Variants in FXR1 observed in about 807,000 individuals in gnomAD.
The protein encoded by FXR1 is FMR1 autosomal homolog 1, also known as RNA-binding protein FXR1.
A neutral mutation model predicts 84.0 loss-of-function variants in FXR1; 15 were observed. That is an observed-to-expected ratio of 0.18 (90% CI 0.12 to 0.27). The LOEUF is 0.27. Ranked by LOEUF, FXR1 falls within the 10% of genes least tolerant of loss-of-function variation. The pLI, the probability that FXR1 is intolerant of heterozygous loss-of-function variation, is 1.00. For synonymous variants in FXR1, 245 were observed against 250.7 expected, an observed-to-expected ratio of 0.98 and a Z score of 0.21; for missense variants, 480 against 774.4, an observed-to-expected ratio of 0.62 and a Z score of 4.51.
At chr3:180,951,254 T>C in intron 7 of FXR1, 44 bp from the exon 8 acceptor site, 1 of 1,259,492 alleles carries the variant, frequency 7.9e-7, no homozygotes. Flanking sequence ...AAAAGCCATT[T>C]TGTATTTTGA....
At position 180,979,834 on chromosome 3, in the gene FXR1, GTT is replaced by G. The variant is rs1183258124; in HGVS notation, c.*3544_*3545del. On this transcript the variant is annotated 3_prime_UTR_variant, in exon 17 of 17. Transcript: ENST00000357559. Reference sequence around the variant, plus strand: ...CAGTCTAATTACAAATTTTTAAAAAGTTTATCAGTGTATCATTTCAGATTCAT... The same window carrying G: ...CAGTCTAATTACAAATTTTTAAAAAGTATCAGTGTATCATTTCAGATTCAT... 1 of 151,984 alleles carries G rather than the reference GTT, an allele frequency of 6.6e-6. No homozygotes were observed. Among genetic ancestry groups the G allele is most frequent in the Non-Finnish European group, 1.5e-5 (1 of 67,928 alleles). The allele number at this position is 151,984 out of a possible 1,614,324, so 9.4% of individuals were successfully genotyped here. A position where few individuals can be genotyped will look rare whatever the true frequency, so the allele number is the denominator to read the frequency against.
intron 3 of FXR1, among the ~76,000 whole-genome samples, chr3:180,936,355 CT>C (rs199729598): frequency 0.01 from 1,525 of 152,336 alleles, 33 homozygotes; most frequent in African/African-American, 0.035. Context: ...CCAACCTCCT[CT>C]TCCCAGGTTC....
chr3:180,968,045 T>C lies in FXR1; in HGVS notation c.1199-6T>C. The C allele has an allele frequency of 6.3e-7, 1 of 1,589,306 alleles. No homozygotes were observed. The highest frequency in any genetic ancestry group is 8.6e-7 in the Non-Finnish European group (1 of 1,158,226). On this transcript the variant is annotated splice_polypyrimidine_tract_variant and splice_region_variant and intron_variant, in intron 13 of 16. Transcript: ENST00000357559. ...CTAAGTGGTTTATGTTCTTTTCTTT[T>C]CCAAGGTACAAATTCTGAGCTGTCT...
chr3:180,933,546 C>T (rs1720182595), intron 2 of FXR1, among the ~76,000 whole-genome samples, 160 bp downstream of exon 2: 2 of 152,086 alleles, frequency 1.3e-5, no homozygotes, highest in Admixed American at 6.6e-5. Flanking sequence ...AATTCTTTAT[C>T]TGTTTTTCTG....
At chr3:180,959,247 G>A (rs1192337126) in intron 10 of FXR1, among the ~76,000 whole-genome samples, 1 of 151,498 alleles carries the variant, frequency 6.6e-6, no homozygotes, top group Non-Finnish European at 1.5e-5. Flanking sequence ...ATTTTTTGTC[G>A]TGTTTCTTCC....
chr3:180,934,194 G>A (rs1041114130), intron 2 of FXR1, among the ~76,000 whole-genome samples: 2 of 152,194 alleles, frequency 1.3e-5, no homozygotes, highest in African/African-American at 4.8e-5. Context: ...TGCCTGAAAA[G>A]ATCTTTGCCT....
At chr3:180,954,793 G>A (rs1722576117) in intron 9 of FXR1, among the ~76,000 whole-genome samples, 1 of 148,714 alleles carries the variant, frequency 6.7e-6, no homozygotes, top group African/African-American at 2.5e-5. Context: ...AGGAAATGAT[G>A]TTTAGCTACG....
At chr3:180,947,475 A>G (rs1289765170) in intron 3 of FXR1, among the ~76,000 whole-genome samples, 2 of 152,246 alleles carry the variant, frequency 1.3e-5, no homozygotes, top group Non-Finnish European at 1.5e-5. Flanking sequence ...TAAATGTCAT[A>G]TCCTCGATGG....
At chr3:180,915,141 CAGA>C in intron 1 of FXR1, 2 of 201,864 alleles carry the variant, frequency 9.9e-6, no homozygotes, top group East Asian at 1.4e-4. Context: ...GCTTATTGCA[CAGA>C]AGTTTATTGC....
At chr3:180,951,509 C>T (rs751427528) in intron 8 of FXR1, 41 bp downstream of exon 8, 1 of 1,335,140 alleles carries the variant, frequency 7.5e-7, no homozygotes, top group Non-Finnish European at 1.0e-6. Flanking sequence ...AGTGTATTAA[C>T]CATCTATTGT....
chr3:180,973,382 C>A (rs556110859), intron 15 of FXR1, among the ~76,000 whole-genome samples: 1 of 152,146 alleles, frequency 6.6e-6, no homozygotes, highest in Non-Finnish European at 1.5e-5. Context: ...GCACCCACCT[C>A]AAAATGGCAA....
intron 13 of FXR1, among the ~76,000 whole-genome samples, chr3:180,964,673 T>TTTTATATATATA (rs148208441): frequency 2.2e-5 from 3 of 136,354 alleles, no homozygotes; most frequent in African/African-American, 8.7e-5. Flanking sequence ...TGTAGTTGAT[T>TTTTATATATATA]TATATATATA....
rs1047694990 is a variant in FXR1 at position 180,981,620 on chromosome 3, A to G, written c.*5328A>G. The stretch of plus-strand genomic sequence containing the variant: ...GAGGTCTAATGTGAAGGCTATAGAT[A>G]GGAATTCCCCACAAACTTCTAATGA... On this transcript the variant is annotated 3_prime_UTR_variant, in exon 17 of 17. Coordinates refer to ENST00000357559, the MANE Select transcript of FXR1 (RefSeq NM_005087.4). 1 of 151,982 alleles carries G rather than the reference A, an allele frequency of 6.6e-6. No homozygotes were observed. Among genetic ancestry groups the G allele is most frequent in the African/African-American group, 2.4e-5 (1 of 41,340 alleles). 9.4% of individuals were successfully genotyped at this position (151,982 alleles called of 1,614,324 possible). A position where few individuals can be genotyped will look rare whatever the true frequency, so the allele number is the denominator to read the frequency against.
intron 3 of FXR1, among the ~76,000 whole-genome samples, chr3:180,943,796 G>C (rs1721392719): frequency 6.6e-6 from 1 of 152,156 alleles, no homozygotes. Flanking sequence ...AAGGGGGTTA[G>C]GTAGTTTTAA....
intron 3 of FXR1, among the ~76,000 whole-genome samples, chr3:180,942,132 A>C (rs974284929): frequency 4.6e-5 from 7 of 152,102 alleles, no homozygotes; most frequent in African/African-American, 1.7e-4. Context: ...TAATCCCAGC[A>C]CTTTGGGAGG....
rs1714658198 is a variant in FXR1 at position 180,982,480 on chromosome 3, C to G, written c.*6188C>G. ...CTATGCAAGAAAAAAATGTGCTCTG[C>G]TGTGCTCCTTGGTATTTTTAAGTGG... On this transcript the variant is annotated 3_prime_UTR_variant, in exon 17 of 17. Transcript: ENST00000357559. The G allele has an allele frequency of 6.6e-6, 1 of 152,116 alleles. No homozygotes were observed. Among genetic ancestry groups the G allele is most frequent in the Non-Finnish European group, 1.5e-5 (1 of 67,976 alleles). 9.4% of individuals were successfully genotyped at this position (152,116 alleles called of 1,614,324 possible).
At chr3:180,937,639 A>G (rs1445903990) in intron 3 of FXR1, among the ~76,000 whole-genome samples, 3 of 152,138 alleles carry the variant, frequency 2.0e-5, no homozygotes, top group African/African-American at 7.2e-5. Flanking sequence ...TTAAAAATTA[A>G]TATAAGGAAA....
intron 11 of FXR1, among the ~76,000 whole-genome samples, 153 bp from the exon 12 acceptor site, chr3:180,962,730 C>T (rs545834784): frequency 6.6e-6 from 1 of 152,264 alleles, no homozygotes; most frequent in East Asian, 1.9e-4. Context: ...CAGCAAATGA[C>T]CTCATCAATT....
chr3:180,964,988 T>C (rs771170661), intron 13 of FXR1, among the ~76,000 whole-genome samples: 9 of 151,874 alleles, frequency 5.9e-5, no homozygotes, highest in Non-Finnish European at 1.2e-4. Context: ...ATTTTAAAAT[T>C]GGTTAAAAAC....
Sources: gnomAD v4.1 joint callset for allele counts (sites outside exome capture counted in the v4.1 genomes callset) on GRCh38, gnomAD v4.1.1 for gene constraint, MANE v1.5 for transcripts, NCBI Gene and HGNC (gene_info 2026-07-23, HGNC 2026-07-21) for gene names.